LGI2: variants seen among roughly 807,000 people sequenced by gnomAD.
The protein encoded by LGI2 is leucine rich repeat LGI family member 2, also known as leucine-rich repeat LGI family member 2.
Under a neutral mutation model 52.0 loss-of-function variants are expected in LGI2, and 30 were observed. That is an observed-to-expected ratio of 0.58 (90% confidence interval 0.43 to 0.78). LGI2 has a LOEUF of 0.78. Among genes scored for constraint, LGI2 ranks in the 30% least tolerant of loss-of-function variants. The pLI is 0.00. For synonymous variants in LGI2, 270 were observed against 271.8 expected, an observed-to-expected ratio of 0.99 and a Z score of 0.06; for missense variants, 573 against 692.5, an observed-to-expected ratio of 0.83 and a Z score of 1.94.
intron 3 of LGI2, 83 bp from the exon 4 acceptor site, chr4:25,024,974 A>G (rs1407595868): frequency 2.2e-6 from 2 of 910,684 alleles, no homozygotes; most frequent in African/African-American, 1.7e-5. Flanking sequence ...TTTCAGAATA[A>G]AATCTAAAAG....
chr4:25,019,456 T>C (rs1725881346), intron 4 of LGI2, among the ~76,000 whole-genome samples: 1 of 152,158 alleles, frequency 6.6e-6, no homozygotes, highest in South Asian at 2.1e-4. Context: ...TTAAGCTCTT[T>C]ATGTATATTT....
chr4:25,007,070 C>T (rs1356167441), intron 7 of LGI2, among the ~76,000 whole-genome samples: 1 of 151,818 alleles, frequency 6.6e-6, no homozygotes, highest in Non-Finnish European at 1.5e-5. Flanking sequence ...TTTCACTTGG[C>T]GCCCATGCTG....
chr4:25,029,162 C>T (rs1187280808), intron 1 of LGI2, among the ~76,000 whole-genome samples: 2 of 152,190 alleles, frequency 1.3e-5, no homozygotes, highest in African/African-American at 4.8e-5. Flanking sequence ...GCCCCCAGGC[C>T]CCCATCCTTT....
the LGI2 span, among the ~76,000 whole-genome samples, chr4:24,993,755 C>T: frequency 6.6e-6 from 1 of 152,168 alleles, no homozygotes; most frequent in Non-Finnish European, 1.5e-5. Flanking sequence ...GTCTATGATT[C>T]CATGCTTAGA....
chr4:25,010,648 C>T (rs989020786), intron 7 of LGI2, among the ~76,000 whole-genome samples: 18 of 152,314 alleles, frequency 1.2e-4, no homozygotes, highest in African/African-American at 4.1e-4. Context: ...ATGTATGCCT[C>T]CTCTCTCTAA....
chr4:24,997,229 C>T (rs987063757), downstream of LGI2, among the ~76,000 whole-genome samples: 1 of 152,224 alleles, frequency 6.6e-6, no homozygotes, highest in African/African-American at 2.4e-5. Context: ...GAAAGTGACA[C>T]ATTACTTATG....
intron 7 of LGI2, among the ~76,000 whole-genome samples, chr4:25,009,499 T>C (rs1296556367): frequency 1.3e-5 from 2 of 152,154 alleles, no homozygotes; most frequent in African/African-American, 4.8e-5. Flanking sequence ...TTATTTCCCC[T>C]CCTTAGCACA....
chr4:25,027,240 C>A (rs1036891661), intron 2 of LGI2, among the ~76,000 whole-genome samples: 1 of 152,008 alleles, frequency 6.6e-6, no homozygotes, highest in Non-Finnish European at 1.5e-5. Context: ...ATGCTCAGCA[C>A]GACTAAACAG....
At chr4:25,016,373 A>C (rs1404898957) in intron 6 of LGI2, among the ~76,000 whole-genome samples, 1 of 152,246 alleles carries the variant, frequency 6.6e-6, no homozygotes, top group Non-Finnish European at 1.5e-5. Context: ...GGTAGTGAGA[A>C]GTCTCAGTGA....
In LGI2 at chr4:25,030,782, C is replaced by A; in HGVS notation, c.-89G>T. The A allele has an allele frequency of 4.2e-6, 3 of 714,820 alleles. No individual in the cohort carries two copies. The highest frequency in any genetic ancestry group is 5.2e-6 in the Non-Finnish European group (3 of 576,328). 44.3% of individuals were successfully genotyped at this position (714,820 alleles called of 1,614,324 possible). On this transcript the variant is annotated 5_prime_UTR_variant, in exon 1 of 8. Transcript: ENST00000382114. ...CGCCGCTGCAGACGCGGGCGCCGCT[C>A]GCTGCTCTGCCGCCGCCGCTGCTGG...
intron 7 of LGI2, among the ~76,000 whole-genome samples, chr4:25,011,694 C>T (rs570619982): frequency 3.6e-4 from 55 of 152,284 alleles, no homozygotes; most frequent in South Asian, 8.3e-4. Flanking sequence ...TCAGATTGCA[C>T]GTTGATAAAT....
At position 25,028,723 on chromosome 4, in the gene LGI2, C is replaced by T. The variant is rs1326165724; in HGVS notation, c.198-145G>A. ...TAGCACAGTTGCCCAGGATCTTCCC[C>T]GGGGTAGGAATAAGAAGAGACAAGC... On this transcript the variant is annotated intron_variant, in intron 1 of 7. Transcript: ENST00000382114. 84 of 669,484 alleles carry T rather than the reference C, an allele frequency of 1.3e-4. No individual in the cohort carries two copies. In the East Asian group the frequency reaches 1.8e-3, roughly 14 times the overall value. 41.5% of individuals were successfully genotyped at this position (669,484 alleles called of 1,614,324 possible). A position where few individuals can be genotyped will look rare whatever the true frequency, so the allele number is the denominator to read the frequency against.
At chr4:25,008,227 G>A (rs1018736716) in intron 7 of LGI2, among the ~76,000 whole-genome samples, 1 of 152,160 alleles carries the variant, frequency 6.6e-6, no homozygotes, top group Non-Finnish European at 1.5e-5. Context: ...GGGTGGAAAA[G>A]GAGGGTTGCT....
At chr4:25,028,469 G>T in intron 2 of LGI2, 38 bp downstream of exon 2, 1 of 1,594,474 alleles carries the variant, frequency 6.3e-7, no homozygotes, top group Non-Finnish European at 8.6e-7. Context: ...TGGCACCTCA[G>T]GGCCCCCCAT....
In LGI2 at chr4:24,999,554, C is replaced by T. The variant is rs186391073; in HGVS notation, c.*3897G>A. On this transcript the variant is annotated 3_prime_UTR_variant, in exon 8 of 8. Coordinates refer to ENST00000382114, the MANE Select transcript of LGI2 (RefSeq NM_018176.4). ...GCTGCCTAATTAAAGAACTTCCTTC[C>T]GCAGCTGCGAAGGAGAGGCTGATAC... 406 of 234,816 alleles carry T rather than the reference C, an allele frequency of 1.7e-3. 3 individuals carry two copies. The highest frequency in any genetic ancestry group is 8.7e-3 in the African/African-American group (376 of 43,364). The allele number at this position is 234,816 out of a possible 1,614,324, so 14.5% of individuals were successfully genotyped here.
intron 1 of LGI2, among the ~76,000 whole-genome samples, chr4:25,029,069 T>C (rs975575102): frequency 3.3e-5 from 5 of 152,168 alleles, no homozygotes; most frequent in Non-Finnish European, 7.4e-5. Flanking sequence ...CACAGACACC[T>C]GAACTCCCCT....
chr4:25,030,131 T>A (rs1726281459), intron 1 of LGI2, among the ~76,000 whole-genome samples: 1 of 152,068 alleles, frequency 6.6e-6, no homozygotes, highest in African/African-American at 2.4e-5. Flanking sequence ...CAAACTTTAA[T>A]GCACCCTTGA....
chr4:25,030,346 A>C (rs1392574992), intron 1 of LGI2, 151 bp downstream of exon 1: 1 of 802,978 alleles, frequency 1.2e-6, no homozygotes, highest in Non-Finnish European at 1.9e-6. Context: ...CCCGGGGGCC[A>C]ACACTCCACC....
At chr4:25,027,548 T>G (rs142082002) in intron 2 of LGI2, among the ~76,000 whole-genome samples, 235 of 152,344 alleles carry the variant, frequency 1.5e-3, no homozygotes, top group Non-Finnish European at 2.3e-3. Flanking sequence ...CACTGCAATT[T>G]CTAAGAGGCC....
Sources: gnomAD v4.1 joint callset for allele counts (sites outside exome capture counted in the v4.1 genomes callset) on GRCh38, gnomAD v4.1.1 for gene constraint, MANE v1.5 for transcripts, NCBI Gene and HGNC (gene_info 2026-07-23, HGNC 2026-07-21) for gene names.